The following DENND5A variants were observed in gnomAD, a reference collection of about 807,000 sequenced individuals.
The protein encoded by DENND5A is DENN domain-containing protein 5A.
DENND5A carries 64 observed loss-of-function variants against 140.3 expected under a neutral mutation model. That is an observed-to-expected ratio of 0.46 (90% CI 0.37 to 0.56). The LOEUF (loss-of-function observed/expected upper bound fraction) is 0.56. DENND5A is among the 20% of genes least tolerant of loss of function. The pLI is 0.00. For missense variants in DENND5A, 1,292 were observed against 1,593.8 expected, an observed-to-expected ratio of 0.81 and a Z score of 3.22; for synonymous variants, 605 against 607.7, an observed-to-expected ratio of 1.00 and a Z score of 0.07.
At chr11:9,190,780 T>C (rs1849095721) in intron 5 of DENND5A, among the ~76,000 whole-genome samples, 1 of 152,132 alleles carries the variant, frequency 6.6e-6, no homozygotes, top group South Asian at 2.1e-4. Flanking sequence ...TTGAGGTAAT[T>C]TTAATTTTAT....
chr11:9,232,704 C>A (rs1850823990), intron 1 of DENND5A, among the ~76,000 whole-genome samples: 1 of 152,118 alleles, frequency 6.6e-6, no homozygotes, highest in Non-Finnish European at 1.5e-5. Flanking sequence ...TATGACCCAG[C>A]AATTCCACTC....
chr11:9,142,739 A>G lies in DENND5A; in HGVS notation c.3494T>C (p.Phe1165Ser). The change falls in exon 21 of 23, where the codon TTC becomes TCC. Residue 1165 changes from phenylalanine (F) to serine (S), a missense_variant. Transcript: ENST00000328194. ...CAACTCACCCAGGAAATCCCAAATGAAGACATTTTTGAAGAGCCGGGGCGA... is the reference window on the plus strand; with the variant it reads ...CAACTCACCCAGGAAATCCCAAATGGAGACATTTTTGAAGAGCCGGGGCGA... ...FKSPRLFKNVFIWDFLEKAQT... is the reference protein window; with the variant it reads ...FKSPRLFKNVSIWDFLEKAQT... 6.2e-7 allele frequency: 1 copy of G among 1,614,182 alleles called. No individual in the cohort carries two copies. Among genetic ancestry groups the G allele is most frequent in the Non-Finnish European group, 8.5e-7 (1 of 1,180,032 alleles).
chr11:9,217,351 T>C (rs1368494597), intron 1 of DENND5A, among the ~76,000 whole-genome samples: 2 of 151,904 alleles, frequency 1.3e-5, no homozygotes, highest in Admixed American at 6.6e-5. Flanking sequence ...CCATCTCTAC[T>C]AAAAATGCAA....
At chr11:9,253,125 T>C (rs1851801897) in intron 1 of DENND5A, among the ~76,000 whole-genome samples, 1 of 152,022 alleles carries the variant, frequency 6.6e-6, no homozygotes, top group South Asian at 2.1e-4. Context: ...AGTGCTGGGA[T>C]TACAGGCATG....
intron 1 of DENND5A, among the ~76,000 whole-genome samples, chr11:9,235,807 C>CA (rs1274474379): frequency 6.6e-6 from 1 of 152,144 alleles, no homozygotes; most frequent in African/African-American, 2.4e-5. Context: ...CTAGTTGCCA[C>CA]AGGCTTGGGA....
At chr11:9,178,027 TACACAAAGGCAG>T in intron 8 of DENND5A, 93 bp downstream of exon 8, 1 of 820,140 alleles carries the variant, frequency 1.2e-6, no homozygotes, top group South Asian at 1.5e-5. Context: ...GGGAACCACA[TACACAAAGGCAG>T]AAACAGATAA....
At chr11:9,193,452 A>G (rs991221162) in intron 5 of DENND5A, 42 bp downstream of exon 5, 5 of 1,485,414 alleles carry the variant, frequency 3.4e-6, no homozygotes, top group Admixed American at 2.3e-5. Context: ...TCTCTCCCCA[A>G]TCCTGGATTG....
At chr11:9,145,235 G>T in intron 17 of DENND5A, 122 bp from the exon 18 acceptor site, 1 of 744,154 alleles carries the variant, frequency 1.3e-6, no homozygotes, top group Non-Finnish European at 2.4e-6. Context: ...CAGGCTTAGA[G>T]GTCATGGCTC....
At chr11:9,234,619 G>A (rs184456200) in intron 1 of DENND5A, among the ~76,000 whole-genome samples, 2 of 152,288 alleles carry the variant, frequency 1.3e-5, no homozygotes, top group Non-Finnish European at 2.9e-5. Context: ...CACGCTAAAG[G>A]TTACGGGTTT....
chr11:9,230,769 G>C (rs1850737494), intron 1 of DENND5A, among the ~76,000 whole-genome samples: 1 of 152,136 alleles, frequency 6.6e-6, no homozygotes, highest in African/African-American at 2.4e-5. Context: ...AAGGCGGGTA[G>C]ATCACCTGAG....
chr11:9,236,272 C>A (rs1850998950), intron 1 of DENND5A, among the ~76,000 whole-genome samples: 1 of 150,772 alleles, frequency 6.6e-6, no homozygotes, highest in African/African-American at 2.4e-5. Flanking sequence ...TGGCTCGTGC[C>A]TATAATCCCA....
rs182340327 is a variant in DENND5A at position 9,209,420 on chromosome 11, A to C, written c.110-1788T>G. ...CCAGCTGATCTGAAGTGTGGTCAAA[A>C]GGGAGAGAAAGGCTATGAATCACTG... On this transcript the variant is annotated intron_variant, in intron 1 of 22. Coordinates refer to ENST00000328194, the MANE Select transcript of DENND5A (RefSeq NM_015213.4). Among the ~76,000 whole-genome samples, 239 of 152,316 alleles carry C rather than the reference A, an allele frequency of 1.6e-3. 1 individual carries two copies. The highest frequency in any genetic ancestry group is 2.5e-3 in the Admixed American group (39 of 15,298).
At chr11:9,220,610 G>A (rs1009766575) in intron 1 of DENND5A, among the ~76,000 whole-genome samples, 1 of 151,452 alleles carries the variant, frequency 6.6e-6, no homozygotes, top group Admixed American at 6.6e-5. Flanking sequence ...TGAAAATACC[G>A]GCCGGGCACA....
chr11:9,181,160 AC>A, intron 5 of DENND5A, 76 bp from the exon 6 acceptor site: 1 of 1,348,282 alleles, frequency 7.4e-7, no homozygotes. Flanking sequence ...AGGTTAGTGA[AC>A]AAGAGGGCAA....
chr11:9,148,783 T>C (rs909466483), intron 15 of DENND5A, among the ~76,000 whole-genome samples: 1 of 152,146 alleles, frequency 6.6e-6, no homozygotes, highest in Non-Finnish European at 1.5e-5. Context: ...AATATCAGAA[T>C]GGAAATAAAT....
At chr11:9,178,059 C>T (rs1848603209) in intron 8 of DENND5A, 73 bp downstream of exon 8, 1 of 1,018,428 alleles carries the variant, frequency 9.8e-7, no homozygotes, top group Non-Finnish European at 1.6e-6. Context: ...AAGAGGCTGG[C>T]ATATTTAGGA....
intron 1 of DENND5A, among the ~76,000 whole-genome samples, chr11:9,259,473 G>C (rs1852095872): frequency 6.6e-6 from 1 of 152,010 alleles, no homozygotes; most frequent in African/African-American, 2.4e-5. Flanking sequence ...GGCTGAGGCA[G>C]GAGAATGGCG....
intron 12 of DENND5A, among the ~76,000 whole-genome samples, chr11:9,153,556 A>G (rs1847704422): frequency 6.6e-6 from 1 of 152,092 alleles, no homozygotes; most frequent in Non-Finnish European, 1.5e-5. Flanking sequence ...GAACTAGGCA[A>G]AGCAGTTTGG....
intron 1 of DENND5A, among the ~76,000 whole-genome samples, chr11:9,242,184 A>AAG (rs1851266132): frequency 6.6e-6 from 1 of 152,140 alleles, no homozygotes; most frequent in Non-Finnish European, 1.5e-5. Context: ...ACTAAAACCA[A>AAG]AGCTTCACAA....
Sources: allele counts gnomAD v4.1 joint callset (sites outside exome capture counted in the v4.1 genomes callset), GRCh38; gene constraint gnomAD v4.1.1; transcripts MANE v1.5; gene names NCBI Gene and HGNC (gene_info 2026-07-23, HGNC 2026-07-21).